The following SV2B variants were observed in gnomAD, a reference collection of about 807,000 sequenced individuals.
SV2B encodes the protein solute carrier family 22 member B2.
In SV2B, 41 loss-of-function variants were observed where a neutral mutation model predicts 73.9. That is an observed-to-expected ratio of 0.56 (90% CI 0.43 to 0.72). SV2B has a LOEUF of 0.72. SV2B is among the 30% of genes least tolerant of loss of function. The pLI is 0.00. For missense variants in SV2B, 764 were observed against 857.8 expected (o/e 0.89, Z 1.37); for synonymous variants, 314 against 314.2 (o/e 1.00, Z 0.01).
At chr15:91,134,450 C>T (rs1201615267) in intron 1 of SV2B, among the ~76,000 whole-genome samples, 1 of 152,134 alleles carries the variant, frequency 6.6e-6, no homozygotes, top group Non-Finnish European at 1.5e-5. Context: ...TGGACAGAGC[C>T]ACAAAGTAGC....
intron 2 of SV2B, among the ~76,000 whole-genome samples, chr15:91,249,798 G>A (rs900540824): frequency 6.6e-5 from 10 of 152,064 alleles, no homozygotes; most frequent in South Asian, 2.1e-4. Context: ...CATGCAATCC[G>A]CCAACACTCA....
intron 1 of SV2B, among the ~76,000 whole-genome samples, chr15:91,172,968 C>A (rs971778956): frequency 1.3e-5 from 2 of 150,958 alleles, no homozygotes; most frequent in African/African-American, 4.9e-5. Flanking sequence ...ACAATACACA[C>A]GTGGATAAAT....
intron 1 of SV2B, among the ~76,000 whole-genome samples, chr15:91,108,064 C>A (rs1006848012): frequency 6.6e-6 from 1 of 152,136 alleles, no homozygotes; most frequent in Non-Finnish European, 1.5e-5. Flanking sequence ...CTGCAGTCTC[C>A]TTCATGCTCC....
At chr15:91,196,817 G>C (rs2045262137) in intron 1 of SV2B, among the ~76,000 whole-genome samples, 1 of 152,338 alleles carries the variant, frequency 6.6e-6, no homozygotes, top group Non-Finnish European at 1.5e-5. Flanking sequence ...CTTTGGGCCT[G>C]CTAATGAGTA....
chr15:91,158,116 C>T (rs1024859003), intron 1 of SV2B, among the ~76,000 whole-genome samples: 1 of 152,168 alleles, frequency 6.6e-6, no homozygotes, highest in African/African-American at 2.4e-5. Context: ...CTCACCAAAG[C>T]TCATGTTGAA....
rs2045976668 is a variant in SV2B at position 91,214,998 on chromosome 15, A to G, written c.-391-10875A>G. 6.6e-6 allele frequency among the ~76,000 whole-genome samples: 1 copy of G among 152,240 alleles called. No individual in the cohort carries two copies. The highest frequency in any genetic ancestry group is 1.5e-5 in the Non-Finnish European group (1 of 68,032). On this transcript the variant is annotated intron_variant, in intron 1 of 12. Coordinates refer to ENST00000394232, the MANE Select transcript of SV2B (RefSeq NM_001323032.3). This position sits in a 1 kb window ranked among gnomAD's most constrained non-coding sequence, Gnocchi z 4.7. The stretch of plus-strand genomic sequence containing the variant: ...CCATTGTTGCTGACCCCAGGGCTGC[A>G]GGGTAAACGGCCTTCGCAGGCATCC...
intron 1 of SV2B, among the ~76,000 whole-genome samples, chr15:91,168,300 A>ATGAGAGAGAGAGAG (rs1567308687): frequency 1.5e-5 from 1 of 64,598 alleles, no homozygotes; most frequent in African/African-American, 5.6e-5. Flanking sequence ...ATGGTGAGAT[A>ATGAGAGAGAGAGAG]CGAGAGAGAG....
chr15:91,191,273 T>C (rs1003905015), intron 1 of SV2B, among the ~76,000 whole-genome samples: 3 of 151,916 alleles, frequency 2.0e-5, no homozygotes, highest in Non-Finnish European at 4.4e-5. Context: ...ACTCCCTCTT[T>C]GATCAAACTT....
At chr15:91,175,025 G>A (rs1450756078) in intron 1 of SV2B, among the ~76,000 whole-genome samples, 3 of 152,180 alleles carry the variant, frequency 2.0e-5, no homozygotes, top group Admixed American at 1.3e-4. Flanking sequence ...CAGCTATGTC[G>A]CTATATGGGA....
chr15:91,191,505 CCTAA>C (rs1029227757), intron 1 of SV2B, among the ~76,000 whole-genome samples: 4 of 152,162 alleles, frequency 2.6e-5, no homozygotes, highest in Non-Finnish European at 5.9e-5. Context: ...ACTCTTGGTA[CCTAA>C]CTAAGTTCCT....
intron 1 of SV2B, among the ~76,000 whole-genome samples, chr15:91,125,850 C>T (rs1422726723): frequency 6.9e-6 from 1 of 145,766 alleles, no homozygotes; most frequent in East Asian, 1.9e-4. Flanking sequence ...AAAATAAAGT[C>T]ACCTTAAAGA....
intron 4 of SV2B, among the ~76,000 whole-genome samples, chr15:91,254,139 T>C (rs2047592934): frequency 6.6e-6 from 1 of 152,166 alleles, no homozygotes; most frequent in Non-Finnish European, 1.5e-5. Flanking sequence ...AGGCATTGCT[T>C]TCCTTTTTCT....
At chr15:91,161,295 G>T (rs149686399) in intron 1 of SV2B, among the ~76,000 whole-genome samples, 1 of 151,150 alleles carries the variant, frequency 6.6e-6, no homozygotes, top group East Asian at 1.9e-4. Context: ...AATTTTTTTT[G>T]TATGTAAATT....
chr15:91,257,788 C>G (rs867267624), intron 4 of SV2B, among the ~76,000 whole-genome samples: 7 of 152,156 alleles, frequency 4.6e-5, no homozygotes, highest in African/African-American at 1.7e-4. Context: ...GGCCTTGACC[C>G]CCATCCCCAT....
intron 1 of SV2B, among the ~76,000 whole-genome samples, chr15:91,211,458 C>T (rs908691908): frequency 2.0e-5 from 3 of 151,778 alleles, no homozygotes; most frequent in Non-Finnish European, 4.4e-5. Flanking sequence ...CCATCTTCTT[C>T]CTCCTCTTCC....
rs1295720954 is a variant in SV2B at position 91,240,192 on chromosome 15, A to G, written c.452-11627A>G. Reference sequence around the variant, plus strand: ...TTAAAGATAGGCTGTTTGACTTCATATCTTGGCTACATCACTAACCCTATC... The same window carrying G: ...TTAAAGATAGGCTGTTTGACTTCATGTCTTGGCTACATCACTAACCCTATC... On this transcript the variant is annotated intron_variant, in intron 2 of 12. Transcript: ENST00000394232. This position sits in a 1 kb window ranked among gnomAD's most constrained non-coding sequence, Gnocchi z 4.6. Among the ~76,000 whole-genome samples the G allele has an allele frequency of 6.6e-6, 1 of 152,192 alleles. No individual in the cohort carries two copies. Among genetic ancestry groups the G allele is most frequent in the African/African-American group, 2.4e-5 (1 of 41,442 alleles).
intron 2 of SV2B, among the ~76,000 whole-genome samples, chr15:91,250,519 T>C (rs1238882091): frequency 1.3e-5 from 2 of 152,012 alleles, no homozygotes; most frequent in African/African-American, 4.8e-5. Context: ...AAATCAGAAA[T>C]GAAGAAGTAA....
At chr15:91,116,294 A>G (rs1181923092) in intron 1 of SV2B, among the ~76,000 whole-genome samples, 1 of 152,098 alleles carries the variant, frequency 6.6e-6, no homozygotes. Context: ...TTCTGTTTGC[A>G]GGCTGTGAAT....
At chr15:91,278,626 C>A (rs2048574838) in intron 9 of SV2B, among the ~76,000 whole-genome samples, 1 of 115,628 alleles carries the variant, frequency 8.6e-6, no homozygotes, top group Middle Eastern at 4.8e-3. Flanking sequence ...TTGCAGTGAG[C>A]CGAGATTGCG....
Sources: gnomAD v4.1 joint callset for allele counts (sites outside exome capture counted in the v4.1 genomes callset) on GRCh38, gnomAD v4.1.1 for gene constraint, Gnocchi (gnomAD v3.1) non-coding constraint, MANE v1.5 for transcripts, NCBI Gene and HGNC (gene_info 2026-07-23, HGNC 2026-07-21) for gene names.